The following ITPRID2 variants were observed in gnomAD, a reference collection of about 807,000 sequenced individuals.
ITPRID2 encodes ITPR interacting domain containing 2, also known as protein ITPRID2.
Under a neutral mutation model 124.3 loss-of-function variants are expected in ITPRID2, and 60 were observed. The observed-to-expected ratio is 0.48, with a 90% CI of 0.39 to 0.60. The LOEUF (loss-of-function observed/expected upper bound fraction) is 0.60, where lower values mean the gene tolerates loss of function less well. ITPRID2 is among the 20% of genes least tolerant of loss of function. The pLI is 0.00. For synonymous variants in ITPRID2, 521 were observed against 542.9 expected, an observed-to-expected ratio of 0.96 and a Z score of 0.56; for missense variants, 1,553 against 1,512.2, an observed-to-expected ratio of 1.03 and a Z score of -0.45.
chr2:181,906,874 G>A (rs1037316452), intron 8 of ITPRID2, among the ~76,000 whole-genome samples: 14 of 152,330 alleles, frequency 9.2e-5, no homozygotes, highest in Middle Eastern at 3.4e-3. Context: ...GTGAAGGTCA[G>A]ATATGTTGGT....
Position 181,919,491 on chromosome 2 carries a change from T to A in ITPRID2, c.3144+45T>A, listed in dbSNP as rs1377795824. The A allele has an allele frequency of 6.7e-7, 1 of 1,498,570 alleles. No individual in the cohort carries two copies. Among genetic ancestry groups the A allele is most frequent in the Non-Finnish European group, 8.9e-7 (1 of 1,129,148 alleles). 92.8% of individuals were successfully genotyped at this position (1,498,570 alleles called of 1,614,324 possible). A position where few individuals can be genotyped will look rare whatever the true frequency, so the allele number is the denominator to read the frequency against. ...GTCGGAGTTTTCACCAAAGGTTTAT[T>A]TATAATGTTCCAATAATTTAGGACG... On this transcript the variant is annotated intron_variant, in intron 14 of 17. Coordinates refer to ENST00000431877, the MANE Select transcript of ITPRID2 (RefSeq NM_001130445.3). This position sits in a 1 kb window ranked among gnomAD's most constrained non-coding sequence, Gnocchi z 4.2.
chr2:181,892,371 C>T lies in ITPRID2; in HGVS notation c.211+94C>T. On this transcript the variant is annotated intron_variant, in intron 1 of 17. Transcript: ENST00000431877. The surrounding 1 kb of genome is among the most constrained non-coding windows in gnomAD (Gnocchi z 5.2). Reference sequence around the variant, plus strand: ...CCTGCCACGAGTTCTGGGAGAGCCTCGGGCACGGTAGGCCGAGGGGAGAGG... The same window carrying T: ...CCTGCCACGAGTTCTGGGAGAGCCTTGGGCACGGTAGGCCGAGGGGAGAGG... 3 of 1,390,572 alleles carry T rather than the reference C, an allele frequency of 2.2e-6. No homozygotes were observed. The highest frequency in any genetic ancestry group is 2.8e-5 in the South Asian group (2 of 70,962). The allele number at this position is 1,390,572 out of a possible 1,614,324, so 86.1% of individuals were successfully genotyped here.
At position 181,902,097 on chromosome 2, in the gene ITPRID2, G is replaced by A; in HGVS notation, c.1044G>A (p.Lys348=). Residue 348 remains lysine (K), a synonymous_variant, in exon 8 of 18, where the codon AAG becomes AAA. Coordinates refer to ENST00000431877, the MANE Select transcript of ITPRID2 (RefSeq NM_001130445.3). The surrounding 1 kb of genome is among the most constrained non-coding windows in gnomAD (Gnocchi z 4.4). ...ATCAAAAGTCTCAAAAAATTATGAAGAAGAAAGAGTCATCTTCTATGTTGG... is the reference window on the plus strand; with the variant it reads ...ATCAAAAGTCTCAAAAAATTATGAAAAAGAAAGAGTCATCTTCTATGTTGG... ...KNDQKSQKIM[K]KKESSSMLAT... 6.2e-7 allele frequency: 1 copy of A among 1,611,630 alleles called. No individual in the cohort carries two copies. Among genetic ancestry groups the A allele is most frequent in the Non-Finnish European group, 8.5e-7 (1 of 1,179,182 alleles).
intron 17 of ITPRID2, among the ~76,000 whole-genome samples, 183 bp downstream of exon 17, chr2:181,928,461 A>G (rs1163358084): frequency 6.6e-6 from 1 of 152,214 alleles, no homozygotes; most frequent in South Asian, 2.1e-4. Context: ...GTCAAATCCC[A>G]TAATACAAAT....
intron 7 of ITPRID2, among the ~76,000 whole-genome samples, 197 bp downstream of exon 7, chr2:181,901,101 C>G (rs1339065127): frequency 6.6e-6 from 1 of 151,972 alleles, no homozygotes; most frequent in Non-Finnish European, 1.5e-5. Flanking sequence ...CTATTTTTCC[C>G]CTCCTCCCCA....
chr2:181,901,964 T>C lies in ITPRID2; in HGVS notation c.911T>C (p.Leu304Ser). ...RLMKTLSKLN[L>S]CVDKTEKGES... is the part of the protein sequence containing the mutation. ...ATGAAAACACTCTCAAAACTGAATT[T>C]ATGTGTTGATAAAACAGAGAAAGGA... is the stretch of plus-strand genomic sequence containing the variant. The change falls in exon 8 of 18, where the codon TTA becomes TCA. Residue 304 changes from leucine (L) to serine (S), a missense_variant. Physicochemically the swap from Leu to Ser is moderately radical, Grantham distance 145 (BLOSUM62 -2). Coordinates refer to ENST00000431877, the MANE Select transcript of ITPRID2 (RefSeq NM_001130445.3). The C allele has an allele frequency of 6.2e-7, 1 of 1,613,906 alleles. No individual in the cohort carries two copies. Among genetic ancestry groups the C allele is most frequent in the South Asian group, 1.1e-5 (1 of 91,072 alleles).
chr2:181,892,333 T>C lies in ITPRID2; in HGVS notation c.211+56T>C. ...GGCTGGTGGGCTGGGGAGAGTCTCG[T>C]GCGCCCTGGGCGCCTGCCACGAGTT... On this transcript the variant is annotated intron_variant, in intron 1 of 17. Coordinates refer to ENST00000431877, the MANE Select transcript of ITPRID2 (RefSeq NM_001130445.3). This position sits in a 1 kb window ranked among gnomAD's most constrained non-coding sequence, Gnocchi z 5.2. The C allele has an allele frequency of 1.3e-6, 2 of 1,483,836 alleles. No homozygotes were observed. The highest frequency in any genetic ancestry group is 2.6e-5 in the South Asian group (2 of 75,490). The allele number at this position is 1,483,836 out of a possible 1,614,324, so 91.9% of individuals were successfully genotyped here. A position where few individuals can be genotyped will look rare whatever the true frequency, so the allele number is the denominator to read the frequency against.
At position 181,921,940 on chromosome 2, in the gene ITPRID2, A is replaced by ATGTTAT; in HGVS notation, c.3211-7_3211-6insGTTATT. ...GAGAGAAGAATAACATTTTTTTATG[A>ATGTTAT]TCTCCAGGTCACTGAACTGATGCAG... is the stretch of plus-strand genomic sequence containing the variant. On this transcript the variant is annotated splice_polypyrimidine_tract_variant and splice_region_variant and intron_variant, in intron 15 of 17. Transcript: ENST00000431877. 6 of 1,602,914 alleles carry ATGTTAT rather than the reference A, an allele frequency of 3.7e-6. No homozygotes were observed. Among genetic ancestry groups the ATGTTAT allele is most frequent in the Non-Finnish European group, 4.3e-6 (5 of 1,174,838 alleles).
Position 181,896,560 on chromosome 2 carries a change from G to A in ITPRID2, c.308-348G>A, listed in dbSNP as rs1692219434. ...ACAGTGTCAGGAAAATCCAGCTCCT[G>A]ACTTAATATGAGATGGATAAGAAGA... On this transcript the variant is annotated intron_variant, in intron 3 of 17. Coordinates refer to ENST00000431877, the MANE Select transcript of ITPRID2 (RefSeq NM_001130445.3). The surrounding 1 kb of genome is among the most constrained non-coding windows in gnomAD (Gnocchi z 4.3). 1.3e-5 allele frequency among the ~76,000 whole-genome samples: 2 copies of A among 151,914 alleles called. No individual in the cohort carries two copies. The highest frequency in any genetic ancestry group is 4.8e-5 in the African/African-American group (2 of 41,416).
At chr2:181,901,706 A>T in intron 7 of ITPRID2, 60 bp from the exon 8 acceptor site, 1 of 1,148,010 alleles carries the variant, frequency 8.7e-7, no homozygotes, top group Non-Finnish European at 1.2e-6. Flanking sequence ...TATGCATTTA[A>T]TATATGTGTA....
rs1037986357 is a variant in ITPRID2, at chr2:181,910,152, T to A, written c.1486+181T>A. 1.3e-5 allele frequency among the ~76,000 whole-genome samples: 2 copies of A among 152,352 alleles called. No homozygotes were observed. The highest frequency in any genetic ancestry group is 1.9e-4 in the East Asian group (1 of 5,192). On this transcript the variant is annotated intron_variant, in intron 9 of 17. Coordinates refer to ENST00000431877, the MANE Select transcript of ITPRID2 (RefSeq NM_001130445.3). The surrounding 1 kb of genome is among the most constrained non-coding windows in gnomAD (Gnocchi z 4.1). ...TTTTTGTATTTTTTAAAAGACTTTT[T>A]AAAAATTAGTTTGCTAATTAGTTTG...
chr2:181,916,077 C>G lies in ITPRID2; in HGVS notation c.2437C>G (p.Pro813Ala), dbSNP rs756455894. ...SPSSVKKEEA[P>A]QSEAPRVEEC... Reference sequence around the variant, plus strand: ...ATCATCTGTGAAGAAAGAAGAAGCCCCCCAGAGTGAGGCGCCGCGGGTGGA... The same window carrying G: ...ATCATCTGTGAAGAAAGAAGAAGCCGCCCAGAGTGAGGCGCCGCGGGTGGA... The change falls in exon 11 of 18, where the codon CCC becomes GCC. Residue 813 changes from proline (P) to alanine (A), a missense_variant. Transcript: ENST00000431877. 3.1e-6 allele frequency: 5 copies of G among 1,614,144 alleles called. No homozygotes were observed. In the South Asian group the frequency reaches 4.4e-5, roughly 14 times the overall value.
chr2:181,912,703 C>G (rs936491262), intron 9 of ITPRID2, among the ~76,000 whole-genome samples: 28 of 152,160 alleles, frequency 1.8e-4, no homozygotes, highest in African/African-American at 6.3e-4. Context: ...TTTGCTGTCT[C>G]TTGAAGCTTC....
rs1225590628 is a variant in ITPRID2, at chr2:181,901,868, C to T, written c.815C>T (p.Ser272Phe). ...GTPLQRIGSM[S>F]SVTSNKETDP... is the part of the protein sequence containing the mutation. ...CCCCTGCAGAGAATTGGAAGTATGTCCTCAGTGACCTCTAACAAGGAGACA... is the reference window on the plus strand; with the variant it reads ...CCCCTGCAGAGAATTGGAAGTATGTTCTCAGTGACCTCTAACAAGGAGACA... Residue 272 changes from serine (S) to phenylalanine (F), a missense_variant, in exon 8 of 18, where the codon TCC (serine) becomes TTC (phenylalanine). Coordinates refer to ENST00000431877, the MANE Select transcript of ITPRID2 (RefSeq NM_001130445.3). 1 of 1,613,882 alleles carries T rather than the reference C, an allele frequency of 6.2e-7. No homozygotes were observed. Among genetic ancestry groups the T allele is most frequent in the East Asian group, 2.2e-5 (1 of 44,858 alleles).
At chr2:181,926,568 C>A (rs1694876536) in intron 16 of ITPRID2, among the ~76,000 whole-genome samples, 1 of 151,954 alleles carries the variant, frequency 6.6e-6, no homozygotes, top group Non-Finnish European at 1.5e-5. Flanking sequence ...AAAAAATTAG[C>A]CGGGCGTGGT....
At chr2:181,898,454 C>A (rs1482479802) in intron 4 of ITPRID2, among the ~76,000 whole-genome samples, 1 of 151,892 alleles carries the variant, frequency 6.6e-6, no homozygotes, top group East Asian at 1.9e-4. Context: ...ACATTAGAAA[C>A]TGACATATAC....
intron 6 of ITPRID2, among the ~76,000 whole-genome samples, chr2:181,899,987 G>A (rs13399587): frequency 0.014 from 2,178 of 152,318 alleles, 45 homozygotes; most frequent in African/African-American, 0.049. Context: ...AAATTGAAAT[G>A]TCTCTCTGTT....
chr2:181,929,296 G>T (rs1226366405), intron 17 of ITPRID2, among the ~76,000 whole-genome samples: 2 of 151,762 alleles, frequency 1.3e-5, no homozygotes, highest in African/African-American at 4.8e-5. Context: ...AGAAACAAAT[G>T]TAATTTGAAA....
chr2:181,929,060 T>C (rs551223273), intron 17 of ITPRID2, among the ~76,000 whole-genome samples: 111 of 152,114 alleles, frequency 7.3e-4, no homozygotes, highest in African/African-American at 2.4e-3. Context: ...AACGAATTAC[T>C]TTCATTTTAT....
Sources: gnomAD v4.1 joint callset for allele counts (sites outside exome capture counted in the v4.1 genomes callset) on GRCh38, gnomAD v4.1.1 for gene constraint, Gnocchi (gnomAD v3.1) non-coding constraint, MANE v1.5 for transcripts, NCBI Gene and HGNC (gene_info 2026-07-23, HGNC 2026-07-21) for gene names.